Variants in CWF19L1 observed in about 807,000 individuals in gnomAD.
CWF19L1 encodes CWF19-like protein 1.
CWF19L1 carries 60 observed loss-of-function variants against 69.7 expected under a neutral mutation model. The ratio of observed to expected loss-of-function variants is 0.86; its 90% CI spans 0.70 to 1.07. The LOEUF (loss-of-function observed/expected upper bound fraction) is 1.07. CWF19L1 is among the 50% of genes least tolerant of loss of function. The pLI, the probability that CWF19L1 is intolerant of heterozygous loss-of-function variation, is 0.00. For missense variants in CWF19L1, 591 were observed against 638.9 expected, an observed-to-expected ratio of 0.92 and a Z score of 0.81; for synonymous variants, 209 against 222.2, an observed-to-expected ratio of 0.94 and a Z score of 0.53.
chr10:100,237,945 A>C, intron 11 of CWF19L1, 77 bp downstream of exon 11: 10 of 1,406,544 alleles, frequency 7.1e-6, no homozygotes, highest in Non-Finnish European at 1.0e-5. Context: ...CACCTCGCCC[A>C]GCCTATTTAA....
chr10:100,260,081 T>A (rs1410582471), intron 4 of CWF19L1, 137 bp downstream of exon 4: 2 of 575,418 alleles, frequency 3.5e-6, no homozygotes, highest in Non-Finnish European at 6.2e-6. Flanking sequence ...GGCAGGAGAA[T>A]CACTTGAACC....
chr10:100,238,932 CAAAAAAA>C (rs397845145), intron 10 of CWF19L1, among the ~76,000 whole-genome samples: 9 of 68,576 alleles, frequency 1.3e-4, no homozygotes, highest in Admixed American at 8.8e-4. Flanking sequence ...ACTCCGTCTC[CAAAAAAA>C]AAAAAAAAAA....
chr10:100,265,044 C>T (rs890828015), intron 1 of CWF19L1, among the ~76,000 whole-genome samples: 2 of 151,442 alleles, frequency 1.3e-5, no homozygotes, highest in African/African-American at 4.9e-5. Context: ...TCACTTGAGC[C>T]CAGGAGGTTG....
chr10:100,239,119 G>A (rs1305102641), intron 10 of CWF19L1, among the ~76,000 whole-genome samples: 1 of 151,546 alleles, frequency 6.6e-6, no homozygotes, highest in Non-Finnish European at 1.5e-5. Context: ...ACAACCTAAT[G>A]GGGTAGAAGG....
At chr10:100,235,122 G>A (rs1016604282) in intron 13 of CWF19L1, among the ~76,000 whole-genome samples, 15 of 152,240 alleles carry the variant, frequency 9.9e-5, no homozygotes, top group Admixed American at 3.9e-4. Context: ...CAAGTGGCTA[G>A]TCACAACTGT....
At chr10:100,249,309 G>A (rs1159437905) in intron 7 of CWF19L1, among the ~76,000 whole-genome samples, 1 of 152,094 alleles carries the variant, frequency 6.6e-6, no homozygotes, top group East Asian at 1.9e-4. Flanking sequence ...ATTGTCTATG[G>A]CATGTGATAG....
chr10:100,250,422 A>G (rs1231599616), intron 6 of CWF19L1, 90 bp from the exon 7 acceptor site: 1 of 784,602 alleles, frequency 1.3e-6, no homozygotes, highest in Non-Finnish European at 2.2e-6. Context: ...GGCCATAAAA[A>G]GAGCAGAGGT....
intron 4 of CWF19L1, among the ~76,000 whole-genome samples, chr10:100,258,419 A>T (rs1847283508): frequency 6.6e-6 from 1 of 152,210 alleles, no homozygotes; most frequent in African/African-American, 2.4e-5. Flanking sequence ...CTGGCACTAA[A>T]TTCATATAGT....
intron 5 of CWF19L1, 82 bp downstream of exon 5, chr10:100,256,180 T>C: frequency 9.4e-7 from 1 of 1,060,702 alleles, no homozygotes. Context: ...AAATACTCAA[T>C]ATAAACAGGA....
chr10:100,244,326 C>T lies in CWF19L1; in HGVS notation c.965-549G>A, dbSNP rs548831053. Among the ~76,000 whole-genome samples the T allele has an allele frequency of 4.3e-4, 66 of 152,276 alleles. No individual in the cohort carries two copies. The South Asian group carries it at 0.013, about 31-fold the overall frequency. On this transcript the variant is annotated intron_variant, in intron 9 of 13. Transcript: ENST00000354105. Reference sequence around the variant, plus strand: ...GGTGCTTTTTCCATAGTACAGGAAGCGCCTCAGAACAGCCTCGAAGTCAGG... The same window carrying T: ...GGTGCTTTTTCCATAGTACAGGAAGTGCCTCAGAACAGCCTCGAAGTCAGG...
chr10:100,240,357 C>CA (rs1456341971), intron 10 of CWF19L1, among the ~76,000 whole-genome samples: 1 of 151,856 alleles, frequency 6.6e-6, no homozygotes, highest in Non-Finnish European at 1.5e-5. Flanking sequence ...ATTTAAAAAA[C>CA]AAAAAAAGGC....
chr10:100,247,836 C>T (rs956574242), intron 7 of CWF19L1, among the ~76,000 whole-genome samples: 3 of 152,044 alleles, frequency 2.0e-5, no homozygotes, highest in African/African-American at 7.2e-5. Context: ...GTGGAGGTTG[C>T]AGTAAGCCGA....
intron 4 of CWF19L1, among the ~76,000 whole-genome samples, chr10:100,258,892 T>C (rs1008538871): frequency 5.9e-5 from 8 of 136,640 alleles, no homozygotes; most frequent in East Asian, 2.0e-4. Context: ...ATGTGAAGAA[T>C]AGTAAATTCA....
chr10:100,236,804 A>C (rs1414516698), intron 12 of CWF19L1, 46 bp downstream of exon 12: 2 of 1,538,684 alleles, frequency 1.3e-6, no homozygotes, highest in East Asian at 4.5e-5. Context: ...ACAACAAAAA[A>C]AACAGATATT....
intron 5 of CWF19L1, among the ~76,000 whole-genome samples, chr10:100,255,970 C>G (rs533658099): frequency 6.6e-6 from 1 of 151,930 alleles, no homozygotes; most frequent in South Asian, 2.1e-4. Flanking sequence ...ATCAGTGAAG[C>G]CTCAAAACAT....
At chr10:100,239,460 G>A (rs970825079) in intron 10 of CWF19L1, among the ~76,000 whole-genome samples, 2 of 152,300 alleles carry the variant, frequency 1.3e-5, no homozygotes, top group African/African-American at 4.8e-5. Context: ...CCAACAAGGT[G>A]AAACCCCGTC....
Position 100,236,161 on chromosome 10 carries a change from GT to G in CWF19L1, c.1375-398del, listed in dbSNP as rs111302238. Among the ~76,000 whole-genome samples the G allele has an allele frequency of 6.1e-5, 9 of 148,380 alleles. 1 individual carries two copies. The highest frequency in any genetic ancestry group is 2.3e-4 in the African/African-American group (9 of 39,884). ...GCGATGTTGCCCAGGCTGAAGTACAGTGGTGCAATCATACCTCACTGCATCC... is the reference window on the plus strand; with the variant it reads ...GCGATGTTGCCCAGGCTGAAGTACAGGGTGCAATCATACCTCACTGCATCC... On this transcript the variant is annotated intron_variant, in intron 12 of 13. Coordinates refer to ENST00000354105, the MANE Select transcript of CWF19L1 (RefSeq NM_018294.6).
At chr10:100,247,055 A>G (rs1846849980) in intron 7 of CWF19L1, 120 bp from the exon 8 acceptor site, 3 of 901,498 alleles carry the variant, frequency 3.3e-6, no homozygotes, top group South Asian at 2.1e-5. Context: ...TTAAAAGAAC[A>G]GCAACCAGCC....
chr10:100,236,954 T>C lies in CWF19L1; in HGVS notation c.1270A>G (p.Ile424Val), dbSNP rs778875472. Residue 424 changes from isoleucine (I) to valine (V), a missense_variant, in exon 12 of 14, where the codon ATC becomes GTC. Around this residue, in one of 3 missense-constraint regions of CWF19L1, gnomAD observed 458 missense variants for 489.3 expected, o/e 0.94. Transcript: ENST00000354105. ...HLQLQVIPVP[I>V]SCSTTDDIKD... ...ATGTCATCAGTAGTAGAGCAGCTGATTGGGACAGGAATGACCTGGGGGTTG... is the reference window on the plus strand; with the variant it reads ...ATGTCATCAGTAGTAGAGCAGCTGACTGGGACAGGAATGACCTGGGGGTTG... 6.9e-6 allele frequency: 11 copies of C among 1,600,500 alleles called. No homozygotes were observed. The South Asian group carries it at 1.2e-4, about 18-fold the overall frequency.
Sources: allele counts gnomAD v4.1 joint callset (sites outside exome capture counted in the v4.1 genomes callset), GRCh38; gene constraint gnomAD v4.1.1; regional missense constraint gnomAD v4.1.1; transcripts MANE v1.5; gene names NCBI Gene and HGNC (gene_info 2026-07-23, HGNC 2026-07-21).